The following LAMP3 variants were observed in gnomAD, a reference collection of about 807,000 sequenced individuals.
LAMP3 encodes lysosome-associated membrane glycoprotein 3.
In LAMP3, 26 loss-of-function variants were observed where a neutral mutation model predicts 34.8. The observed-to-expected ratio is 0.75, with a 90% CI of 0.55 to 1.04. The LOEUF (loss-of-function observed/expected upper bound fraction) is 1.04, where lower values mean the gene tolerates loss of function less well. LAMP3 is among the 50% of genes least tolerant of loss of function. The pLI, the probability that LAMP3 is intolerant of heterozygous loss-of-function variation, is 0.00. For synonymous variants in LAMP3, 180 were observed against 201.9 expected (o/e 0.89, Z 0.92); for missense variants, 495 against 524.0 (o/e 0.94, Z 0.54).
Position 183,162,635 on chromosome 3 carries a change from C to G in LAMP3, c.21G>C (p.Ala7=), listed in dbSNP as rs769114693. 2.6e-6 allele frequency: 4 copies of G among 1,543,586 alleles called. No individual in the cohort carries two copies. Among genetic ancestry groups the G allele is most frequent in the Admixed American group, 3.9e-5 (2 of 50,698 alleles). Residue 7 remains alanine, a synonymous_variant, in exon 1 of 6, where the codon GCG becomes GCC. Coordinates refer to ENST00000265598, the MANE Select transcript of LAMP3 (RefSeq NM_014398.4). MPRQLS[A]AAALFASLAV... is the part of the protein sequence containing the mutation. Reference sequence around the variant, plus strand: ...CCAGGGACGCGAAGAGCGCGGCCGCCGCGCTGAGCTGCCGGGGCATGGTGG... The same window carrying G: ...CCAGGGACGCGAAGAGCGCGGCCGCGGCGCTGAGCTGCCGGGGCATGGTGG...
intron 1 of LAMP3, among the ~76,000 whole-genome samples, chr3:183,157,787 C>T (rs908125013): frequency 2.2e-4 from 33 of 152,020 alleles, no homozygotes; most frequent in Non-Finnish European, 2.9e-5. Flanking sequence ...AACTAGAACT[C>T]TTCTCTCAGT....
At chr3:183,161,288 C>A (rs990137494) in intron 1 of LAMP3, among the ~76,000 whole-genome samples, 1 of 152,224 alleles carries the variant, frequency 6.6e-6, no homozygotes, top group Admixed American at 6.5e-5. Flanking sequence ...GCATCCTTCA[C>A]CTAGCTCACC....
chr3:183,155,690 AT>A (rs2108613498), intron 1 of LAMP3, among the ~76,000 whole-genome samples: 2 of 152,294 alleles, frequency 1.3e-5, no homozygotes, highest in African/African-American at 4.8e-5. Flanking sequence ...ATGTTTGCTT[AT>A]TGGTTTATTT....
chr3:183,147,847 G>T (rs1227434679), intron 3 of LAMP3, among the ~76,000 whole-genome samples: 2 of 152,090 alleles, frequency 1.3e-5, no homozygotes, highest in African/African-American at 4.8e-5. Flanking sequence ...GCATGTGGTA[G>T]CTGGGACCAC....
intron 5 of LAMP3, among the ~76,000 whole-genome samples, chr3:183,130,996 G>A (rs1418205147): frequency 6.6e-6 from 1 of 152,146 alleles, no homozygotes; most frequent in Non-Finnish European, 1.5e-5. Flanking sequence ...CTGGAAAGTG[G>A]GCAGGACTGT....
At chr3:183,127,044 T>C (rs76825906) in intron 5 of LAMP3, among the ~76,000 whole-genome samples, 4,241 of 152,350 alleles carry the variant, frequency 0.028, 133 homozygotes, top group Admixed American at 0.086. Context: ...TTGTGTTTAC[T>C]AAACTTCGTT....
chr3:183,128,090 A>G (rs597628), intron 5 of LAMP3, among the ~76,000 whole-genome samples: 135,537 of 151,280 alleles, frequency 0.9, 60,949 homozygotes, highest in Middle Eastern at 0.94. Context: ...GGAGCTTGCA[A>G]TGAGCCGAGA....
chr3:183,135,584 C>T (rs929881764), intron 5 of LAMP3, 133 bp downstream of exon 5: 3 of 856,508 alleles, frequency 3.5e-6, no homozygotes, highest in Non-Finnish European at 3.7e-6. Flanking sequence ...GCCCTGTGAG[C>T]TATGTGGAAT....
intron 3 of LAMP3, among the ~76,000 whole-genome samples, chr3:183,146,237 C>T (rs1032062901): frequency 4.6e-5 from 7 of 152,170 alleles, no homozygotes; most frequent in Admixed American, 1.3e-4. Flanking sequence ...GCCAGAAATG[C>T]TGCTGAGCAT....
At chr3:183,151,904 G>A (rs923270131) in intron 3 of LAMP3, among the ~76,000 whole-genome samples, 74 of 152,194 alleles carry the variant, frequency 4.9e-4, no homozygotes, top group Non-Finnish European at 1.0e-3. Flanking sequence ...TCACTTCCCT[G>A]TCTGTCCCTT....
intron 3 of LAMP3, among the ~76,000 whole-genome samples, chr3:183,143,306 T>C (rs539033765): frequency 6.6e-6 from 1 of 152,152 alleles, no homozygotes; most frequent in Non-Finnish European, 1.5e-5. Context: ...AGAGATGGGA[T>C]CTCACTATGG....
At chr3:183,136,566 G>A (rs191824439) in intron 4 of LAMP3, among the ~76,000 whole-genome samples, 106 of 148,676 alleles carry the variant, frequency 7.1e-4, no homozygotes, top group African/African-American at 2.2e-3. Flanking sequence ...CAGGAGAATC[G>A]CTTGAACCCA....
chr3:183,152,742 G>A (rs2108610997), intron 2 of LAMP3, among the ~76,000 whole-genome samples: 1 of 152,292 alleles, frequency 6.6e-6, no homozygotes, highest in South Asian at 2.1e-4. Flanking sequence ...GTATGTTCCT[G>A]ATAAGCTGCA....
In LAMP3 at chr3:183,155,375, G is replaced by A. The variant is rs1175205724; in HGVS notation, c.50-984C>T. 5.3e-5 allele frequency among the ~76,000 whole-genome samples: 8 copies of A among 152,052 alleles called. No individual in the cohort carries two copies. In the East Asian group the frequency reaches 1.2e-3, roughly 22 times the overall value. On this transcript the variant is annotated intron_variant, in intron 1 of 5. Coordinates refer to ENST00000265598, the MANE Select transcript of LAMP3 (RefSeq NM_014398.4). Reference sequence around the variant, plus strand: ...GTTTTCTCAATACAGACCAATTCCTGTCATTTTCGTACTTAACTTTTGGAG... The same window carrying A: ...GTTTTCTCAATACAGACCAATTCCTATCATTTTCGTACTTAACTTTTGGAG...
chr3:183,159,515 G>A (rs899077611), intron 1 of LAMP3, among the ~76,000 whole-genome samples: 5 of 152,172 alleles, frequency 3.3e-5, no homozygotes, highest in East Asian at 1.9e-4. Flanking sequence ...GGAGCCCCAC[G>A]GCCATGTCCA....
intron 5 of LAMP3, chr3:183,131,929 A>G: frequency 2.0e-6 from 2 of 985,374 alleles, no homozygotes; most frequent in African/African-American, 3.5e-5. Flanking sequence ...TCAGGAATGT[A>G]CTGCTTTTGG....
upstream of LAMP3, among the ~76,000 whole-genome samples, chr3:183,163,203 G>T (rs902738236): frequency 1.3e-5 from 2 of 151,708 alleles, no homozygotes; most frequent in East Asian, 3.9e-4. Flanking sequence ...TGATTCGCCC[G>T]CCTCGACCTC....
intron 5 of LAMP3, among the ~76,000 whole-genome samples, chr3:183,127,087 T>C (rs1719797283): frequency 6.6e-6 from 1 of 152,226 alleles, no homozygotes; most frequent in Non-Finnish European, 1.5e-5. Context: ...GATACTGTTT[T>C]GAAAGAGTAG....
At chr3:183,131,220 C>T (rs1412508338) in intron 5 of LAMP3, among the ~76,000 whole-genome samples, 1 of 152,220 alleles carries the variant, frequency 6.6e-6, no homozygotes, top group Non-Finnish European at 1.5e-5. Flanking sequence ...TCATATCCCT[C>T]TATACTTGAT....
Sources: gnomAD v4.1 joint callset for allele counts (sites outside exome capture counted in the v4.1 genomes callset) on GRCh38, gnomAD v4.1.1 for gene constraint, MANE v1.5 for transcripts, NCBI Gene and HGNC (gene_info 2026-07-23, HGNC 2026-07-21) for gene names.